CDC40: variants seen among roughly 807,000 people sequenced by gnomAD.
CDC40 encodes pre-mRNA-processing factor 17.
In CDC40, 27 loss-of-function variants were observed where a neutral mutation model predicts 80.6. That is an observed-to-expected ratio of 0.33 (90% CI 0.25 to 0.46). The LOEUF (loss-of-function observed/expected upper bound fraction) is 0.46, where lower values mean the gene tolerates loss of function less well. Ranked by LOEUF, CDC40 falls within the 20% of genes least tolerant of loss-of-function variation. The pLI, the probability that CDC40 is intolerant of heterozygous loss-of-function variation, is 1.00. For missense variants in CDC40, 486 were observed against 694.1 expected (o/e 0.70, Z 3.37); for synonymous variants, 221 against 232.6 (o/e 0.95, Z 0.45).
intron 1 of CDC40, among the ~76,000 whole-genome samples, chr6:110,182,754 C>T (rs1030001791): frequency 6.6e-6 from 1 of 152,210 alleles, no homozygotes; most frequent in African/African-American, 2.4e-5. Flanking sequence ...TCTTCTGCTG[C>T]CACTGTTTAG....
At chr6:110,183,453 A>G (rs956310298) in intron 1 of CDC40, among the ~76,000 whole-genome samples, 3 of 152,206 alleles carry the variant, frequency 2.0e-5, no homozygotes, top group Non-Finnish European at 4.4e-5. Flanking sequence ...ATCACGAATA[A>G]ATAAGGGAAC....
intron 3 of CDC40, among the ~76,000 whole-genome samples, chr6:110,207,035 C>T (rs931198106): frequency 2.6e-5 from 4 of 151,632 alleles, no homozygotes; most frequent in Non-Finnish European, 5.9e-5. Context: ...AGCTCAGGGG[C>T]CGGGAGTGGT....
chr6:110,213,395 G>GTTTTTTTTTTTTTTGTTTTTTTT (rs567826733), intron 8 of CDC40, among the ~76,000 whole-genome samples: 1 of 135,066 alleles, frequency 7.4e-6, no homozygotes, highest in Non-Finnish European at 1.6e-5. Context: ...TTGTTTTTTT[G>GTTTTTTTTTTTTTTGTTTTTTTT]TTTTTTTTTT....
chr6:110,227,741 C>T (rs1243273276), intron 13 of CDC40, among the ~76,000 whole-genome samples: 1 of 152,146 alleles, frequency 6.6e-6, no homozygotes, highest in Non-Finnish European at 1.5e-5. Context: ...AAAGCATTTA[C>T]GTTGCATTAG....
At chr6:110,204,186 G>GTATT (rs753901507) in intron 3 of CDC40, among the ~76,000 whole-genome samples, 59 of 151,976 alleles carry the variant, frequency 3.9e-4, no homozygotes, top group Non-Finnish European at 6.0e-4. Context: ...GCTAATTTTT[G>GTATT]TATTTTTAGT....
chr6:110,208,634 G>A (rs1562204003), intron 4 of CDC40, among the ~76,000 whole-genome samples: 1 of 152,146 alleles, frequency 6.6e-6, no homozygotes, highest in Admixed American at 6.5e-5. Flanking sequence ...CAGTAATTTA[G>A]TTTAATTTAG....
chr6:110,210,784 G>A lies in CDC40; in HGVS notation c.708G>A (p.Glu236=). 1 of 1,562,556 alleles carries A rather than the reference G, an allele frequency of 6.4e-7. No homozygotes were observed. The highest frequency in any genetic ancestry group is 2.3e-5 in the East Asian group (1 of 42,652). Residue 236 remains glutamate (E), a synonymous_variant, in exon 6 of 15, where the codon GAG becomes GAA. Coordinates refer to ENST00000307731, the MANE Select transcript of CDC40 (RefSeq NM_015891.3). Reference sequence around the variant, plus strand: ...AACAGGAAGAAGAGAAACCTGGGGAGGAGAAGACAATCTTACATGGTAACA... The same window carrying A: ...AACAGGAAGAAGAGAAACCTGGGGAAGAGAAGACAATCTTACATGGTAACA... ...KGKQEEEKPG[E]EKTILHVKEM...
chr6:110,204,581 G>T (rs1446264494), intron 3 of CDC40, among the ~76,000 whole-genome samples: 2 of 150,948 alleles, frequency 1.3e-5, no homozygotes, highest in Non-Finnish European at 2.9e-5. Context: ...AAAGCTTTTG[G>T]TATATATTAT....
Position 110,201,490 on chromosome 6 carries a change from A to G in CDC40, c.277-68A>G, listed in dbSNP as rs757742670. The G allele has an allele frequency of 6.3e-5, 76 of 1,200,510 alleles. No homozygotes were observed. In the Admixed American group the frequency reaches 1.7e-3, roughly 26 times the overall value. The allele number at this position is 1,200,510 out of a possible 1,614,324, so 74.4% of individuals were successfully genotyped here. A position where few individuals can be genotyped will look rare whatever the true frequency, so the allele number is the denominator to read the frequency against. Reference sequence around the variant, plus strand: ...TTGTACAGTTATTCCAGTAATTCTAACTTCCATATACTCAGAACTTTTGTG... The same window carrying G: ...TTGTACAGTTATTCCAGTAATTCTAGCTTCCATATACTCAGAACTTTTGTG... On this transcript the variant is annotated intron_variant, in intron 2 of 14. Transcript: ENST00000307731.
intron 2 of CDC40, among the ~76,000 whole-genome samples, chr6:110,198,434 C>T (rs890106655): frequency 6.6e-6 from 1 of 152,188 alleles, no homozygotes; most frequent in African/African-American, 2.4e-5. Flanking sequence ...GCCTTGACCT[C>T]CCAAAGTGCT....
chr6:110,198,600 C>G (rs1050771721), intron 2 of CDC40, among the ~76,000 whole-genome samples: 19 of 151,982 alleles, frequency 1.3e-4, no homozygotes, highest in African/African-American at 4.6e-4. Flanking sequence ...GGATATTAAC[C>G]CCTTACCAGA....
At chr6:110,180,704 A>ACCTCTTTCTC in intron 1 of CDC40, 71 bp downstream of exon 1, 1 of 1,120,222 alleles carries the variant, frequency 8.9e-7, no homozygotes, top group Admixed American at 1.8e-5. Flanking sequence ...GCCGCTTGTT[A>ACCTCTTTCTC]GGTACCGGGT....
At chr6:110,215,418 A>G (rs1247097775) in intron 9 of CDC40, 87 bp downstream of exon 9, 2 of 1,038,540 alleles carry the variant, frequency 1.9e-6, no homozygotes, top group Non-Finnish European at 3.0e-6. Context: ...CTACACCGAT[A>G]GGAAGTAAAC....
At chr6:110,219,975 C>T in intron 12 of CDC40, 106 bp downstream of exon 12, 3 of 1,186,972 alleles carry the variant, frequency 2.5e-6, no homozygotes, top group African/African-American at 1.5e-5. Context: ...ATATTTTTTG[C>T]AACTGTGATC....
At chr6:110,223,957 C>G (rs1452282591) in intron 12 of CDC40, among the ~76,000 whole-genome samples, 1 of 151,996 alleles carries the variant, frequency 6.6e-6, no homozygotes, top group East Asian at 1.9e-4. Flanking sequence ...CTTAGCCTCC[C>G]GAGTAGCTGG....
intron 2 of CDC40, among the ~76,000 whole-genome samples, chr6:110,198,578 C>CT (rs1246767521): frequency 6.6e-6 from 1 of 152,048 alleles, no homozygotes; most frequent in African/African-American, 2.4e-5. Flanking sequence ...AGTTGAGTTC[C>CT]TTGTGTATTT....
intron 12 of CDC40, among the ~76,000 whole-genome samples, chr6:110,223,192 G>A (rs7766850): frequency 5.9e-5 from 9 of 151,848 alleles, no homozygotes; most frequent in Admixed American, 1.3e-4. Flanking sequence ...TCAAGCGATC[G>A]TCCTGCCTTA....
intron 4 of CDC40, among the ~76,000 whole-genome samples, chr6:110,208,041 G>A (rs1342686870): frequency 1.3e-5 from 2 of 152,172 alleles, no homozygotes; most frequent in African/African-American, 2.4e-5. Context: ...ATGTATGCTT[G>A]TATTCATATT....
rs559875276 is a variant in CDC40 at position 110,226,461 on chromosome 6, A to G, written c.1417+218A>G. On this transcript the variant is annotated intron_variant, in intron 13 of 14. Coordinates refer to ENST00000307731, the MANE Select transcript of CDC40 (RefSeq NM_015891.3). ...GTCTCTTTTTAAATAAAAATAAAAG[A>G]AACAATGATTTACAGCTAACATTGA... 2.0e-5 allele frequency among the ~76,000 whole-genome samples: 3 copies of G among 152,326 alleles called. No homozygotes were observed. In the South Asian group the frequency reaches 6.2e-4, roughly 32 times the overall value.
Sources: gnomAD v4.1 joint callset for allele counts (sites outside exome capture counted in the v4.1 genomes callset) on GRCh38, gnomAD v4.1.1 for gene constraint, MANE v1.5 for transcripts, NCBI Gene and HGNC (gene_info 2026-07-23, HGNC 2026-07-21) for gene names.